Variants in SEMA5A observed in about 807,000 individuals in gnomAD.
SEMA5A encodes the protein semaphorin 5A.
A neutral mutation model predicts 135.5 loss-of-function variants in SEMA5A; 55 were observed. The observed-to-expected ratio is 0.41, with a 90% CI of 0.33 to 0.51. The LOEUF is 0.51. Ranked by LOEUF, SEMA5A falls within the 20% of genes least tolerant of loss-of-function variation. SEMA5A has a pLI of 0.37. For missense variants in SEMA5A, 1,290 were observed against 1,419.9 expected (o/e 0.91, Z 1.47); for synonymous variants, 580 against 546.5 (o/e 1.06, Z -0.85).
chr5:9,479,713 A>T (rs1437796673), intron 1 of SEMA5A, among the ~76,000 whole-genome samples: 5 of 152,210 alleles, frequency 3.3e-5, no homozygotes, highest in Non-Finnish European at 7.3e-5. Flanking sequence ...ATTTCAGAAC[A>T]AGGGAAATCT....
At chr5:9,377,786 T>C (rs1755426845) in intron 3 of SEMA5A, among the ~76,000 whole-genome samples, 1 of 152,162 alleles carries the variant, frequency 6.6e-6, no homozygotes, top group Admixed American at 6.5e-5. Context: ...GTTTATGGTA[T>C]GTTTTAAAAA....
At chr5:9,160,126 C>T (rs1158232000) in intron 11 of SEMA5A, among the ~76,000 whole-genome samples, 1 of 152,072 alleles carries the variant, frequency 6.6e-6, no homozygotes, top group African/African-American at 2.4e-5. Context: ...CACACATATA[C>T]CTATGTAACA....
intron 3 of SEMA5A, among the ~76,000 whole-genome samples, chr5:9,346,655 G>T (rs1753883616): frequency 6.6e-6 from 1 of 152,148 alleles, no homozygotes; most frequent in Admixed American, 6.5e-5. Context: ...AACACGGAGG[G>T]TCTGAGTCAG....
intron 9 of SEMA5A, among the ~76,000 whole-genome samples, chr5:9,200,465 T>C (rs1745644582): frequency 6.6e-6 from 1 of 152,222 alleles, no homozygotes; most frequent in Non-Finnish European, 1.5e-5. Flanking sequence ...TGCACATTTA[T>C]CTTGGGTGTG....
intron 11 of SEMA5A, among the ~76,000 whole-genome samples, chr5:9,189,387 A>C: frequency 9.1e-6 from 1 of 109,522 alleles, no homozygotes; most frequent in African/African-American, 3.7e-5. Context: ...AGATAGTAGC[A>C]ACTTCATGAA....
intron 1 of SEMA5A, chr5:9,523,172 A>G (rs1736930117): frequency 6.6e-6 from 1 of 152,116 alleles, no homozygotes. Context: ...AGAGAACTGT[A>G]ATAATTGCCA....
rs146742005 is a variant in SEMA5A at position 9,399,949 on chromosome 5, C to T, written c.-77-19926G>A. On this transcript the variant is annotated intron_variant, in intron 2 of 22. Transcript: ENST00000382496. The stretch of plus-strand genomic sequence containing the variant: ...CTGGTATACATACAAAGTAAAAGAG[C>T]CATATACACCGTGGAATACTATGCA... Among the ~76,000 whole-genome samples, 490 of 152,118 alleles carry T rather than the reference C, an allele frequency of 3.2e-3. 3 individuals carry two copies. The highest frequency in any genetic ancestry group is 0.011 in the African/African-American group (465 of 41,510).
chr5:9,231,224 T>C (rs1747610625), intron 6 of SEMA5A, among the ~76,000 whole-genome samples: 2 of 152,076 alleles, frequency 1.3e-5, no homozygotes, highest in Middle Eastern at 3.2e-3. Context: ...CCCAGCACTT[T>C]GGAACGCCAA....
At chr5:9,139,101 C>A (rs1741922906) in intron 12 of SEMA5A, among the ~76,000 whole-genome samples, 1 of 152,102 alleles carries the variant, frequency 6.6e-6, no homozygotes, top group African/African-American at 2.4e-5. Flanking sequence ...TCTTCTCCAC[C>A]AGATAGATAC....
At chr5:9,544,684 G>T (rs1046393726) in intron 1 of SEMA5A, among the ~76,000 whole-genome samples, 1 of 152,236 alleles carries the variant, frequency 6.6e-6, no homozygotes, top group African/African-American at 2.4e-5. Context: ...GCAGGCGCAG[G>T]AAAGTTAAAT....
chr5:9,540,962 G>A (rs988241363), intron 1 of SEMA5A, among the ~76,000 whole-genome samples: 1 of 152,110 alleles, frequency 6.6e-6, no homozygotes, highest in Non-Finnish European at 1.5e-5. Flanking sequence ...TAGAAGTTTC[G>A]GTTTTATGAT....
At chr5:9,469,072 A>G (rs922233165) in intron 1 of SEMA5A, among the ~76,000 whole-genome samples, 1 of 152,066 alleles carries the variant, frequency 6.6e-6, no homozygotes, top group African/African-American at 2.4e-5. Flanking sequence ...GCAGTGGCAC[A>G]ATCTCGGCTC....
At chr5:9,401,366 A>G (rs1252116969) in intron 2 of SEMA5A, among the ~76,000 whole-genome samples, 2 of 152,222 alleles carry the variant, frequency 1.3e-5, no homozygotes, top group Non-Finnish European at 2.9e-5. Flanking sequence ...AGCCAAAGAC[A>G]ATGTTTCCCA....
chr5:9,135,341 T>G (rs953555198), intron 13 of SEMA5A, among the ~76,000 whole-genome samples: 1 of 151,878 alleles, frequency 6.6e-6, no homozygotes, highest in Non-Finnish European at 1.5e-5. Context: ...CCACCACGCC[T>G]GGCTAATTTT....
chr5:9,199,036 C>T (rs77286443), intron 9 of SEMA5A, among the ~76,000 whole-genome samples: 2 of 152,310 alleles, frequency 1.3e-5, no homozygotes, highest in South Asian at 2.1e-4. Flanking sequence ...TTACGCAGCC[C>T]AAGTCACAGG....
chr5:9,142,341 G>A (rs1370142039), intron 12 of SEMA5A, among the ~76,000 whole-genome samples: 1 of 152,184 alleles, frequency 6.6e-6, no homozygotes, highest in Non-Finnish European at 1.5e-5. Flanking sequence ...ACTCAGTGGG[G>A]AGAGAACTTG....
chr5:9,353,157 G>GAAAGGAAAGGAAAGGAAAGGAAAGA (rs1561177130), intron 3 of SEMA5A, among the ~76,000 whole-genome samples: 1 of 78,272 alleles, frequency 1.3e-5, no homozygotes, highest in Non-Finnish European at 2.4e-5. Flanking sequence ...GAAAGGAAAG[G>GAAAGGAAAGGAAAGGAAAGGAAAGA]AAAGGAGGGA....
chr5:9,403,710 A>C (rs891669829), intron 2 of SEMA5A, among the ~76,000 whole-genome samples: 3 of 152,162 alleles, frequency 2.0e-5, no homozygotes, highest in African/African-American at 7.2e-5. Flanking sequence ...CTCTTTGCTG[A>C]ATGCTCCTTG....
intron 4 of SEMA5A, among the ~76,000 whole-genome samples, chr5:9,335,807 C>A (rs1434244815): frequency 1.3e-5 from 2 of 152,108 alleles, no homozygotes; most frequent in Non-Finnish European, 2.9e-5. Context: ...GGAACATAGA[C>A]AAATTCAACT....
Sources: allele counts gnomAD v4.1 joint callset (sites outside exome capture counted in the v4.1 genomes callset), GRCh38; gene constraint gnomAD v4.1.1; transcripts MANE v1.5; gene names NCBI Gene and HGNC (gene_info 2026-07-23, HGNC 2026-07-21).